The following KIF1A variants were observed in gnomAD, a reference collection of about 807,000 sequenced individuals.
KIF1A encodes kinesin-like protein KIF1A.
Under a neutral mutation model 227.3 loss-of-function variants are expected in KIF1A, and 46 were observed. The ratio of observed to expected loss-of-function variants is 0.20; its 90% CI spans 0.16 to 0.26. KIF1A has a LOEUF of 0.26. KIF1A is among the 10% of genes least tolerant of loss of function. The pLI is 1.00. For missense variants in KIF1A, 1,683 were observed against 2,485.9 expected (o/e 0.68, Z 6.87); for synonymous variants, 1,022 against 1,012.8 (o/e 1.01, Z -0.17).
intron 1 of KIF1A, among the ~76,000 whole-genome samples, chr2:240,807,714 C>T (rs2057547101): frequency 6.6e-6 from 1 of 151,822 alleles, no homozygotes; most frequent in Admixed American, 6.6e-5. Context: ...TCAAAGTAAA[C>T]AAGAAAAAAT....
intron 42 of KIF1A, among the ~76,000 whole-genome samples, chr2:240,723,027 G>T (rs959450514): frequency 6.6e-6 from 1 of 152,170 alleles, no homozygotes; most frequent in Non-Finnish European, 1.5e-5. Context: ...CACACGTCAC[G>T]CGTCACGTGT....
intron 17 of KIF1A, 28 bp from the exon 18 acceptor site, chr2:240,767,373 C>T (rs893324799): frequency 6.3e-7 from 1 of 1,590,614 alleles, no homozygotes; most frequent in South Asian, 1.1e-5. Flanking sequence ...GATCATCTCT[C>T]TTGCAGAGGG....
Position 240,793,087 on chromosome 2 carries a change from C to T in KIF1A, c.107-3775G>A, listed in dbSNP as rs2055928549. ...ATGTAGCCCTCTGTAACAGCAGCCC[C>T]AGGGACCACACGGGTGCTACTGCTG... On this transcript the variant is annotated intron_variant, in intron 2 of 48. Transcript: ENST00000498729. This position sits in a 1 kb window ranked among gnomAD's most constrained non-coding sequence, Gnocchi z 4.8. Among the ~76,000 whole-genome samples the T allele has an allele frequency of 6.6e-6, 1 of 152,226 alleles. No individual in the cohort carries two copies. Among genetic ancestry groups the T allele is most frequent in the Non-Finnish European group, 1.5e-5 (1 of 68,034 alleles).
chr2:240,749,150 A>G (rs1270868930), intron 28 of KIF1A, among the ~76,000 whole-genome samples: 2 of 152,074 alleles, frequency 1.3e-5, no homozygotes, highest in East Asian at 3.8e-4. Context: ...AAAGAAAGAA[A>G]TTATGGGCTA....
Position 240,784,975 on chromosome 2 carries a change from G to A in KIF1A, c.720+14C>T. 3 of 1,606,690 alleles carry A rather than the reference G, an allele frequency of 1.9e-6. No individual in the cohort carries two copies. The highest frequency in any genetic ancestry group is 4.5e-5 in the East Asian group (2 of 44,846). On this transcript the variant is annotated intron_variant, in intron 7 of 48. Coordinates refer to ENST00000498729, the MANE Select transcript of KIF1A (RefSeq NM_001244008.2). The stretch of plus-strand genomic sequence containing the variant: ...CTGCCCTTGGTGGCACCGCCTGTGA[G>A]GCCACTCACTCACCTTCTCCGTGGT...
At chr2:240,770,125 G>C (rs1408266544) in intron 15 of KIF1A, among the ~76,000 whole-genome samples, 1 of 152,130 alleles carries the variant, frequency 6.6e-6, no homozygotes, top group African/African-American at 2.4e-5. Flanking sequence ...AGGGCTCTCT[G>C]CTCCAGGGTC....
chr2:240,765,614 G>C (rs374385217), intron 20 of KIF1A, 96 bp downstream of exon 20: 1 of 988,022 alleles, frequency 1.0e-6, no homozygotes. Context: ...CTGCCATCCC[G>C]CACAGTGCAC....
chr2:240,802,395 T>C (rs576156192), intron 1 of KIF1A, among the ~76,000 whole-genome samples: 3 of 152,272 alleles, frequency 2.0e-5, no homozygotes, highest in Non-Finnish European at 4.4e-5. Flanking sequence ...AAACAGAATA[T>C]GAAAACATAA....
chr2:240,778,805 G>A lies in KIF1A; in HGVS notation c.883-2879C>T, dbSNP rs997657162. Among the ~76,000 whole-genome samples, 4 of 151,536 alleles carry A rather than the reference G, an allele frequency of 2.6e-5. No homozygotes were observed. Among genetic ancestry groups the A allele is most frequent in the South Asian group, 2.1e-4 (1 of 4,772 alleles). On this transcript the variant is annotated intron_variant, in intron 10 of 48. Transcript: ENST00000498729. This position sits in a 1 kb window ranked among gnomAD's most constrained non-coding sequence, Gnocchi z 7.2. Reference sequence around the variant, plus strand: ...CACACGGTTCCTCACCGCTCCCCACGTTTCCCAAACAGCTCCTCCCGCCAT... The same window carrying A: ...CACACGGTTCCTCACCGCTCCCCACATTTCCCAAACAGCTCCTCCCGCCAT...
rs544343750 is a variant in KIF1A at position 240,719,286 on chromosome 2, C to T, written c.5022-88G>A. 7.8e-4 allele frequency: 1,099 copies of T among 1,413,038 alleles called. 2 individuals are homozygous for T. Among genetic ancestry groups the T allele is most frequent in the Non-Finnish European group, 9.7e-4 (1,013 of 1,049,132 alleles). 87.5% of individuals were successfully genotyped at this position (1,413,038 alleles called of 1,614,324 possible). On this transcript the variant is annotated intron_variant, in intron 46 of 48. Transcript: ENST00000498729. ...CACCATCTACCACCCAGAGCTGGGACGCAGCAGTGCCAACCACCTCCCCAG... is the reference window on the plus strand; with the variant it reads ...CACCATCTACCACCCAGAGCTGGGATGCAGCAGTGCCAACCACCTCCCCAG...
chr2:240,749,133 A>C (rs1221948895), intron 28 of KIF1A, among the ~76,000 whole-genome samples: 2 of 152,156 alleles, frequency 1.3e-5, no homozygotes, highest in African/African-American at 4.8e-5. Flanking sequence ...CCAAAAAAAA[A>C]AAAAGAAAAG....
rs568076921 is a variant in KIF1A at position 240,758,756 on chromosome 2, G to C, written c.2445-259C>G. On this transcript the variant is annotated intron_variant, in intron 25 of 48. Coordinates refer to ENST00000498729, the MANE Select transcript of KIF1A (RefSeq NM_001244008.2). This position sits in a 1 kb window ranked among gnomAD's most constrained non-coding sequence, Gnocchi z 5.2. ...AAACTCCCTCCAGGGGGTGGGCTGG[G>C]GAACAAGCAGTGAGGGGCTAGAGGG... Among the ~76,000 whole-genome samples the C allele has an allele frequency of 9.9e-5, 15 of 152,164 alleles. No homozygotes were observed. The highest frequency in any genetic ancestry group is 2.1e-4 in the Non-Finnish European group (14 of 68,028).
Position 240,766,749 on chromosome 2 carries a change from T to TCTCTCTCTCACACACACACACACACA in KIF1A, c.1684+165_1684+166insTGTGTGTGTGTGTGTGTGAGAGAGAG, listed in dbSNP as rs1454271542. Reference sequence around the variant, plus strand: ...CTCTCTCTCTCTCTCTCTCTCTCTCTCACACACACACACACACACACACAC... The same window carrying TCTCTCTCTCACACACACACACACACA: ...CTCTCTCTCTCTCTCTCTCTCTCTCTCTCTCTCTCACACACACACACACACACACACACACACACACACACACACAC... On this transcript the variant is annotated intron_variant, in intron 19 of 48. Coordinates refer to ENST00000498729, the MANE Select transcript of KIF1A (RefSeq NM_001244008.2). This position sits in a 1 kb window ranked among gnomAD's most constrained non-coding sequence, Gnocchi z 5.0. Among the ~76,000 whole-genome samples the TCTCTCTCTCACACACACACACACACA allele has an allele frequency of 9.2e-6, 1 of 108,974 alleles. No individual in the cohort carries two copies. Among genetic ancestry groups the TCTCTCTCTCACACACACACACACACA allele is most frequent in the Non-Finnish European group, 1.8e-5 (1 of 56,762 alleles). 71.5% of individuals were successfully genotyped at this position (108,974 alleles called of 152,430 possible). A position where few individuals can be genotyped will look rare whatever the true frequency, so the allele number is the denominator to read the frequency against.
rs768251570 is a variant in KIF1A, at chr2:240,725,368, C to T, written c.4159G>A (p.Asp1387Asn). Reference protein sequence around the residue: ...NCTQPAVVTKDFCMVFYSRDA... With the variant: ...NCTQPAVVTKNFCMVFYSRDA... ...CGGGAATAGAAGACCATGCAGAAGT[C>T]CTTGGTGACAACAGCCGGCTGGGTG... The change falls in exon 40 of 49, where the codon GAC (aspartate) becomes AAC (asparagine). Residue 1387 changes from aspartate to asparagine, a missense_variant. Transcript: ENST00000498729. This position sits in a 1 kb window ranked among gnomAD's most constrained non-coding sequence, Gnocchi z 5.8. The T allele has an allele frequency of 2.5e-6, 4 of 1,612,356 alleles. No homozygotes were observed. In the Admixed American group the frequency reaches 6.7e-5, roughly 27 times the overall value.
intron 6 of KIF1A, among the ~76,000 whole-genome samples, chr2:240,785,410 A>T (rs1180337044): frequency 6.6e-6 from 1 of 152,182 alleles, no homozygotes; most frequent in Non-Finnish European, 1.5e-5. Flanking sequence ...GGAGCCCTCC[A>T]GGGCCATGAT....
chr2:240,773,311 G>A lies in KIF1A; in HGVS notation c.1038-55C>T, dbSNP rs561991955. The A allele has an allele frequency of 1.4e-5, 22 of 1,604,606 alleles. No homozygotes were observed. In the African/African-American group the frequency reaches 2.7e-4, roughly 19 times the overall value. On this transcript the variant is annotated intron_variant, in intron 12 of 48. Coordinates refer to ENST00000498729, the MANE Select transcript of KIF1A (RefSeq NM_001244008.2). ...CTCGGGACAGGTCCACATCTGGCAGGTCCCAAGGGTGCCTAGAGCCCTGCC... is the reference window on the plus strand; with the variant it reads ...CTCGGGACAGGTCCACATCTGGCAGATCCCAAGGGTGCCTAGAGCCCTGCC...
intron 1 of KIF1A, among the ~76,000 whole-genome samples, chr2:240,799,667 CG>C (rs2056784157): frequency 6.6e-6 from 1 of 152,168 alleles, no homozygotes; most frequent in Non-Finnish European, 1.5e-5. Flanking sequence ...AGTCTTAGGA[CG>C]TTCCAGCCGG....
chr2:240,768,320 A>G (rs1353790659), intron 17 of KIF1A, among the ~76,000 whole-genome samples: 1 of 152,196 alleles, frequency 6.6e-6, no homozygotes, highest in Non-Finnish European at 1.5e-5. Flanking sequence ...CCATTAGGAC[A>G]CTGCCTGTCC....
Position 240,766,806 on chromosome 2 carries a change from C to A in KIF1A, c.1684+109G>T, listed in dbSNP as rs1193077890. 1.6e-6 allele frequency: 1 copy of A among 638,110 alleles called. No individual in the cohort carries two copies. 39.5% of individuals were successfully genotyped at this position (638,110 alleles called of 1,614,324 possible). On this transcript the variant is annotated intron_variant, in intron 19 of 48. Transcript: ENST00000498729. This position sits in a 1 kb window ranked among gnomAD's most constrained non-coding sequence, Gnocchi z 5.0. ...ACACACGTCCTGCCTAGAAGTATGA[C>A]TCGCGACCCACTTAGTGCTGGGTAA...
Sources: gnomAD v4.1 joint callset for allele counts (sites outside exome capture counted in the v4.1 genomes callset) on GRCh38, gnomAD v4.1.1 for gene constraint, Gnocchi (gnomAD v3.1) non-coding constraint, MANE v1.5 for transcripts, NCBI Gene and HGNC (gene_info 2026-07-23, HGNC 2026-07-21) for gene names.